ENPP2: variants seen among roughly 807,000 people sequenced by gnomAD.
The protein encoded by ENPP2 is ectonucleotide pyrophosphatase/phosphodiesterase 2, also known as autotaxin.
A neutral mutation model predicts 120.2 loss-of-function variants in ENPP2; 51 were observed. That is an observed-to-expected ratio of 0.42 (90% CI 0.34 to 0.54). The LOEUF (loss-of-function observed/expected upper bound fraction) is 0.54, where lower values mean the gene tolerates loss of function less well. Among genes scored for constraint, ENPP2 ranks in the 20% least tolerant of loss-of-function variants. The probability of loss-of-function intolerance (pLI) is 0.04; values close to 1 mark genes in which losing one functional copy is unlikely to be tolerated. For missense variants in ENPP2, 920 were observed against 1,066.5 expected (o/e 0.86, Z 1.91); for synonymous variants, 365 against 366.4 (o/e 1.00, Z 0.04).
At chr8:119,591,782 C>T (rs978366196) in intron 12 of ENPP2, among the ~76,000 whole-genome samples, 1 of 152,118 alleles carries the variant, frequency 6.6e-6, no homozygotes, top group Admixed American at 6.5e-5. Context: ...ATATATCTTG[C>T]ACTTTAACAG....
chr8:119,630,138 T>G (rs978511657), intron 2 of ENPP2, among the ~76,000 whole-genome samples: 9 of 151,984 alleles, frequency 5.9e-5, no homozygotes, highest in African/African-American at 2.2e-4. Flanking sequence ...GACGGAGTTT[T>G]GCTCTTGTTG....
intron 2 of ENPP2, among the ~76,000 whole-genome samples, chr8:119,634,375 G>A (rs757156420): frequency 1.1e-4 from 17 of 152,214 alleles, no homozygotes; most frequent in Non-Finnish European, 2.1e-4. Context: ...AAATCTGAAT[G>A]ATTTGCACAT....
At position 119,557,515 on chromosome 8, in the gene ENPP2, A is replaced by G. The variant is rs1442893355; in HGVS notation, c.*6T>C. ...TGATAAGACTGTACTGCAGATGCTC[A>G]GAAAGTTAAATCTCGCTCTCATATG... On this transcript the variant is annotated 3_prime_UTR_variant, in exon 25 of 25. Coordinates refer to ENST00000075322, the MANE Select transcript of ENPP2 (RefSeq NM_001040092.3). 6.2e-7 allele frequency: 1 copy of G among 1,609,868 alleles called. No individual in the cohort carries two copies. Among genetic ancestry groups the G allele is most frequent in the African/African-American group, 1.3e-5 (1 of 74,876 alleles).
chr8:119,600,850 G>T, intron 10 of ENPP2, 100 bp from the exon 11 acceptor site: 2 of 753,700 alleles, frequency 2.7e-6, no homozygotes, highest in Non-Finnish European at 2.2e-6. Flanking sequence ...ATGTTCTCAA[G>T]TTTAATTTAT....
intron 23 of ENPP2, among the ~76,000 whole-genome samples, chr8:119,563,465 T>A (rs1814136758): frequency 6.6e-6 from 1 of 152,138 alleles, no homozygotes. Flanking sequence ...GAAGATAACT[T>A]TCCTAGAGTT....
intron 1 of ENPP2, 37 bp downstream of exon 1, chr8:119,638,711 A>G (rs58024431): frequency 7.8e-7 from 1 of 1,277,168 alleles, no homozygotes; most frequent in Non-Finnish European, 1.1e-6. Flanking sequence ...GATTCTGAAG[A>G]TCAAGCATGT....
Position 119,599,227 on chromosome 8 carries a change from T to C in ENPP2, c.972+1451A>G, listed in dbSNP as rs143595641. ...GGACAGAAAAAGAGCATCTGACTTA[T>C]ATAACTTCAGTGATTTAAGACTAAG... On this transcript the variant is annotated intron_variant, in intron 11 of 24. Transcript: ENST00000075322. Among the ~76,000 whole-genome samples the C allele has an allele frequency of 3.9e-4, 59 of 152,346 alleles. No individual in the cohort carries two copies. The East Asian group carries it at 9.4e-3, about 24-fold the overall frequency.
At chr8:119,637,846 G>A (rs1817096345) in intron 2 of ENPP2, among the ~76,000 whole-genome samples, 1 of 152,088 alleles carries the variant, frequency 6.6e-6, no homozygotes, top group Non-Finnish European at 1.5e-5. Context: ...TTAAGTCAAG[G>A]TACACTATTA....
At chr8:119,622,255 A>G (rs1038029775) in intron 3 of ENPP2, among the ~76,000 whole-genome samples, 4 of 152,196 alleles carry the variant, frequency 2.6e-5, no homozygotes, top group African/African-American at 9.7e-5. Context: ...AGCGTTAATC[A>G]GTGTGATTCA....
chr8:119,645,190 T>C (rs1464067762), intron 1 of ENPP2, among the ~76,000 whole-genome samples: 1 of 151,978 alleles, frequency 6.6e-6, no homozygotes, highest in African/African-American at 2.4e-5. Context: ...AAAAACCAGG[T>C]CTCCTATGCC....
At chr8:119,615,899 A>G (rs956877585) in intron 8 of ENPP2, among the ~76,000 whole-genome samples, 3 of 152,138 alleles carry the variant, frequency 2.0e-5, no homozygotes, top group African/African-American at 7.2e-5. Context: ...GAAGACATTC[A>G]TATCATCTCA....
intron 1 of ENPP2, among the ~76,000 whole-genome samples, chr8:119,650,032 A>G (rs2130871129): frequency 6.6e-6 from 1 of 152,348 alleles, no homozygotes; most frequent in South Asian, 2.1e-4. Context: ...TTATGTATAT[A>G]CCCAAGAGGA....
chr8:119,597,205 T>C (rs1813958467), intron 11 of ENPP2, among the ~76,000 whole-genome samples: 1 of 152,280 alleles, frequency 6.6e-6, no homozygotes, highest in Middle Eastern at 3.4e-3. Flanking sequence ...GTTTTGTTTG[T>C]TTGTTTTTTA....
chr8:119,642,792 T>C (rs151108077), upstream of ENPP2, among the ~76,000 whole-genome samples: 786 of 152,318 alleles, frequency 5.2e-3, 10 homozygotes, highest in African/African-American at 0.018. Flanking sequence ...TTTATATAAA[T>C]GCACAGTCTA....
rs80218503 is a variant in ENPP2, at chr8:119,673,336, C to A, written c.-64G>T. On this transcript the variant is annotated 5_prime_UTR_variant, in exon 1 of 26. Coordinates refer to the ENPP2 transcript ENST00000427067. ...GCGGACGCGGCCTGGGCTGCAGCCC[C>A]GCGACCTGGGAGCTGTGCTCGGGAC... 2.0e-4 allele frequency: 312 copies of A among 1,529,790 alleles called. No individual in the cohort carries two copies. The East Asian group carries it at 6.4e-3, about 31-fold the overall frequency. 94.8% of individuals were successfully genotyped at this position (1,529,790 alleles called of 1,614,324 possible). A position where few individuals can be genotyped will look rare whatever the true frequency, so the allele number is the denominator to read the frequency against.
At chr8:119,569,056 A>G (rs1226832710) in intron 21 of ENPP2, among the ~76,000 whole-genome samples, 179 bp downstream of exon 21, 1 of 152,154 alleles carries the variant, frequency 6.6e-6, no homozygotes, top group Non-Finnish European at 1.5e-5. Flanking sequence ...GGAGAATTAG[A>G]TTTTTTTGAA....
At chr8:119,632,599 TTTC>T (rs1816751562) in intron 2 of ENPP2, among the ~76,000 whole-genome samples, 2 of 152,178 alleles carry the variant, frequency 1.3e-5, no homozygotes, top group African/African-American at 4.8e-5. Context: ...ATGCAATGCA[TTTC>T]TTATTTTTCA....
chr8:119,570,226 G>C (rs1383844871), intron 20 of ENPP2, among the ~76,000 whole-genome samples: 1 of 144,398 alleles, frequency 6.9e-6, no homozygotes, highest in East Asian at 2.1e-4. Context: ...CTGAGATCAT[G>C]CCACTGCACT....
At position 119,560,064 on chromosome 8, in the gene ENPP2, C is replaced by T. The variant is rs115314227; in HGVS notation, c.2422-2373G>A. On this transcript the variant is annotated intron_variant, in intron 24 of 24. Coordinates refer to ENST00000075322, the MANE Select transcript of ENPP2 (RefSeq NM_001040092.3). ...ATCGATTACAGAACAGCCTTTGTACCAAGTTTAGAGCAGTATTTTTAAAAC... is the reference window on the plus strand; with the variant it reads ...ATCGATTACAGAACAGCCTTTGTACTAAGTTTAGAGCAGTATTTTTAAAAC... 8.8e-3 allele frequency among the ~76,000 whole-genome samples: 1,333 copies of T among 152,110 alleles called. 19 individuals are homozygous for T. Among genetic ancestry groups the T allele is most frequent in the African/African-American group, 0.03 (1,263 of 41,482 alleles).
Sources: allele counts gnomAD v4.1 joint callset (sites outside exome capture counted in the v4.1 genomes callset), GRCh38; gene constraint gnomAD v4.1.1; transcripts MANE v1.5; gene names NCBI Gene and HGNC (gene_info 2026-07-23, HGNC 2026-07-21).